Variants in GET1 observed in about 807,000 individuals in gnomAD.
GET1 encodes the protein guided entry of tail-anchored proteins factor 1, also known as congenital heart disease 5 protein.
A neutral mutation model predicts 22.6 loss-of-function variants in GET1; 20 were observed. The ratio of observed to expected loss-of-function variants is 0.89; its 90% CI spans 0.62 to 1.29. The LOEUF is 1.29. GET1 is among the 50% of genes most tolerant of loss of function. GET1 has a pLI of 0.00. For synonymous variants in GET1, 92 were observed against 83.8 expected, an observed-to-expected ratio of 1.10 and a Z score of -0.53; for missense variants, 209 against 219.9, an observed-to-expected ratio of 0.95 and a Z score of 0.31.
downstream of GET1, among the ~76,000 whole-genome samples, chr21:39,401,494 ACT>A (rs1418139501): frequency 3.3e-5 from 5 of 152,202 alleles, no homozygotes; most frequent in Non-Finnish European, 7.3e-5. Context: ...TGCGATCCCC[ACT>A]GAGTAAAGGT....
downstream of GET1, among the ~76,000 whole-genome samples, chr21:39,400,094 C>G (rs2038802170): frequency 6.6e-6 from 1 of 152,128 alleles, no homozygotes; most frequent in African/African-American, 2.4e-5. Context: ...AACTGGTTTA[C>G]TGTCCCCTGA....
At chr21:39,393,334 G>C in intron 4 of GET1, 54 bp downstream of exon 4, 1 of 1,408,968 alleles carries the variant, frequency 7.1e-7, no homozygotes. Context: ...TTATGTAGAG[G>C]TGTGTGGTAG....
At chr21:39,419,635 T>G (rs150180682) in intron 1 of GET1, among the ~76,000 whole-genome samples, 1 of 152,224 alleles carries the variant, frequency 6.6e-6, no homozygotes, top group East Asian at 1.9e-4. Context: ...GACGTGGGCC[T>G]TTTGGGAGGT....
At chr21:39,394,762 G>A (rs1224733604) in intron 4 of GET1, among the ~76,000 whole-genome samples, 1 of 152,102 alleles carries the variant, frequency 6.6e-6, no homozygotes, top group Non-Finnish European at 1.5e-5. Flanking sequence ...CTCCCATAAG[G>A]CCCCAATTCT....
At chr21:39,398,492 A>T (rs1024663399), downstream of GET1, among the ~76,000 whole-genome samples, 2 of 152,186 alleles carry the variant, frequency 1.3e-5, no homozygotes, top group African/African-American at 4.8e-5. Context: ...CTAGAGGTAA[A>T]AATTTCTGGT....
At chr21:39,405,175 T>C (rs1481693194) in intron 4 of GET1, among the ~76,000 whole-genome samples, 1 of 151,982 alleles carries the variant, frequency 6.6e-6, no homozygotes, top group African/African-American at 2.4e-5. Context: ...ATCATATTGT[T>C]CCCTTTCAAA....
downstream of GET1, chr21:39,410,181 T>A: frequency 8.0e-7 from 1 of 1,246,824 alleles, no homozygotes; most frequent in East Asian, 2.3e-5. Context: ...CTACAAATAC[T>A]TTTCACATAG....
At chr21:39,399,763 A>T (rs1469530379), downstream of GET1, among the ~76,000 whole-genome samples, 1 of 152,116 alleles carries the variant, frequency 6.6e-6, no homozygotes, top group Non-Finnish European at 1.5e-5. Flanking sequence ...TTTTAAAAAT[A>T]CTGGATATAT....
At chr21:39,422,709 G>A (rs1165158387) in intron 1 of GET1, 2 of 522,974 alleles carry the variant, frequency 3.8e-6, no homozygotes, top group Admixed American at 3.7e-5. Flanking sequence ...CTTAGAGAAT[G>A]GTCATTTCCA....
At chr21:39,402,698 G>C (rs921351981), downstream of GET1, among the ~76,000 whole-genome samples, 1 of 152,202 alleles carries the variant, frequency 6.6e-6, no homozygotes, top group African/African-American at 2.4e-5. Flanking sequence ...TACAGCAAGA[G>C]TGTTGGAGTA....
intron 1 of GET1, chr21:39,428,144 G>A (rs1384603838): frequency 7.4e-7 from 1 of 1,352,412 alleles, no homozygotes; most frequent in South Asian, 1.4e-5. Flanking sequence ...CAGAAATTTG[G>A]TCTTGCTTGG....
At chr21:39,426,503 G>C (rs2074737512) in intron 1 of GET1, among the ~76,000 whole-genome samples, 2 of 152,124 alleles carry the variant, frequency 1.3e-5, no homozygotes, top group African/African-American at 4.8e-5. Flanking sequence ...TTGGGGGTGG[G>C]TTTTAAAGGT....
At chr21:39,422,158 G>A (rs976683455) in intron 1 of GET1, 1 of 152,138 alleles carries the variant, frequency 6.6e-6, no homozygotes, top group African/African-American at 2.4e-5. Flanking sequence ...AGATTAAAAC[G>A]TGGAGGAAAC....
intron 1 of GET1, among the ~76,000 whole-genome samples, chr21:39,416,230 C>G (rs2041130233): frequency 6.6e-6 from 1 of 152,174 alleles, no homozygotes; most frequent in Non-Finnish European, 1.5e-5. Context: ...ATGCTGTTCC[C>G]TAGTATCCTC....
intron 1 of GET1, chr21:39,420,747 T>C: frequency 2.5e-6 from 4 of 1,613,514 alleles, no homozygotes; most frequent in Non-Finnish European, 3.4e-6. Flanking sequence ...ACCTGCAGAG[T>C]CTTGGTAGCT....
downstream of GET1, chr21:39,406,770 A>G: frequency 1.7e-6 from 1 of 581,874 alleles, no homozygotes; most frequent in Non-Finnish European, 3.0e-6. Flanking sequence ...TTACAGAGAA[A>G]GGTGCTATTA....
intron 1 of GET1, chr21:39,380,696 G>A (rs542027267): frequency 1.5e-6 from 2 of 1,378,482 alleles, no homozygotes; most frequent in African/African-American, 2.9e-5. Flanking sequence ...AGGGGGTTGG[G>A]AGAAACACCG....
intron 1 of GET1, chr21:39,387,661 A>C: frequency 3.9e-6 from 1 of 253,814 alleles, no homozygotes; most frequent in Non-Finnish European, 6.2e-6. Flanking sequence ...ATGAGCCCCT[A>C]GACCCCTCCA....
At chr21:39,428,241 A>G (rs1375093670) in exon 2 of GET1, 1 of 1,605,602 alleles carries the variant, frequency 6.2e-7, no homozygotes, top group Admixed American at 1.7e-5. Context: ...GGCTGCTTTA[A>G]ATAATTTCTA....
Sources: allele counts gnomAD v4.1 joint callset (sites outside exome capture counted in the v4.1 genomes callset), GRCh38; gene constraint gnomAD v4.1.1; transcripts MANE v1.5; gene names NCBI Gene and HGNC (gene_info 2026-07-23, HGNC 2026-07-21).